SNX8: variants seen among roughly 807,000 people sequenced by gnomAD.
SNX8 encodes the protein sorting nexin-8.
SNX8 carries 25 observed loss-of-function variants against 51.6 expected under a neutral mutation model. The ratio of observed to expected loss-of-function variants is 0.48; its 90% CI spans 0.35 to 0.68. SNX8 has a LOEUF of 0.68. Ranked by LOEUF, SNX8 falls within the 30% of genes least tolerant of loss-of-function variation. The pLI, the probability that SNX8 is intolerant of heterozygous loss-of-function variation, is 0.00. For missense variants in SNX8, 695 were observed against 624.0 expected (o/e 1.11, Z -1.21); for synonymous variants, 324 against 277.0 (o/e 1.17, Z -1.68).
At chr7:2,327,765 A>C (rs919517227) in intron 1 of SNX8, among the ~76,000 whole-genome samples, 62 of 151,898 alleles carry the variant, frequency 4.1e-4, no homozygotes, top group African/African-American at 1.2e-3. Context: ...GATGGTCTCT[A>C]TCTCCTGACC....
chr7:2,272,382 T>C (rs188287789), intron 3 of SNX8, among the ~76,000 whole-genome samples: 2 of 152,142 alleles, frequency 1.3e-5, no homozygotes, highest in Non-Finnish European at 2.9e-5. Context: ...CTTTTCTTTT[T>C]TTTTTTTTTG....
At position 2,254,742 on chromosome 7, in the gene SNX8, G is replaced by C; in HGVS notation, c.*314C>G. 1 of 413,150 alleles carries C rather than the reference G, an allele frequency of 2.4e-6. No individual in the cohort carries two copies. The highest frequency in any genetic ancestry group is 4.4e-6 in the Non-Finnish European group (1 of 224,782). 25.6% of individuals were successfully genotyped at this position (413,150 alleles called of 1,614,324 possible). A position where few individuals can be genotyped will look rare whatever the true frequency, so the allele number is the denominator to read the frequency against. On this transcript the variant is annotated 3_prime_UTR_variant, in exon 11 of 11. Transcript: ENST00000222990. ...GAGGCCCTGCCTCCACGCTCCCCCAGGCACAATCTCTGTGAGATGAGAGAT... is the reference window on the plus strand; with the variant it reads ...GAGGCCCTGCCTCCACGCTCCCCCACGCACAATCTCTGTGAGATGAGAGAT...
Position 2,264,449 on chromosome 7 carries a change from G to T in SNX8, c.631C>A (p.Pro211Thr). ...KLATRAKDFL[P>T]ADIQAQFAIS... ...GCAAACTGAGCCTGGATGTCAGCTGGGAGGAAGTCCTGACATCATGATGGG... is the reference window on the plus strand; with the variant it reads ...GCAAACTGAGCCTGGATGTCAGCTGTGAGGAAGTCCTGACATCATGATGGG... The change falls in exon 6 of 11, where the codon CCA (proline) becomes ACA (threonine). Residue 211 changes from proline (P) to threonine (T), a missense_variant. Transcript: ENST00000222990. 1.9e-6 allele frequency: 3 copies of T among 1,610,742 alleles called. No individual in the cohort carries two copies. The highest frequency in any genetic ancestry group is 2.5e-6 in the Non-Finnish European group (3 of 1,179,806).
chr7:2,292,189 G>A (rs1042914550), intron 1 of SNX8, among the ~76,000 whole-genome samples: 1 of 151,940 alleles, frequency 6.6e-6, no homozygotes, highest in Admixed American at 6.6e-5. Flanking sequence ...CTTGAACCTG[G>A]GAGGCAGAGG....
chr7:2,261,025 A>G (rs974826175), intron 7 of SNX8, among the ~76,000 whole-genome samples: 2 of 152,236 alleles, frequency 1.3e-5, no homozygotes, highest in African/African-American at 4.8e-5. Context: ...CACCCCGCCA[A>G]CAGCCACCTG....
chr7:2,329,775 G>A (rs931322960), intron 1 of SNX8, among the ~76,000 whole-genome samples: 8 of 151,746 alleles, frequency 5.3e-5, no homozygotes, highest in East Asian at 1.9e-4. Flanking sequence ...AAGCTCCACC[G>A]CCCCTGCCCC....
chr7:2,317,570 C>A (rs557105182), upstream of SNX8, among the ~76,000 whole-genome samples: 99 of 151,994 alleles, frequency 6.5e-4, no homozygotes, highest in Middle Eastern at 3.4e-3. Context: ...AGCCACCGTG[C>A]CCGGCCATCC....
intron 4 of SNX8, 135 bp from the exon 5 acceptor site, chr7:2,269,774 A>G (rs993259409): frequency 1.8e-4 from 98 of 537,888 alleles, no homozygotes; most frequent in African/African-American, 1.8e-3. Context: ...CTTTGACATT[A>G]GTATTCTGCA....
intron 5 of SNX8, among the ~76,000 whole-genome samples, chr7:2,266,711 G>C (rs1167176732): frequency 2.0e-5 from 3 of 151,488 alleles, no homozygotes; most frequent in African/African-American, 7.3e-5. Flanking sequence ...ATTAGAGATG[G>C]GGTTTTGCTA....
At chr7:2,292,779 G>T (rs1056005080) in intron 1 of SNX8, among the ~76,000 whole-genome samples, 1 of 152,104 alleles carries the variant, frequency 6.6e-6, no homozygotes, top group Non-Finnish European at 1.5e-5. Flanking sequence ...CAGCAATTTG[G>T]GAGGTTGAGG....
chr7:2,308,217 C>T (rs1438958271), intron 1 of SNX8, among the ~76,000 whole-genome samples: 1 of 151,796 alleles, frequency 6.6e-6, no homozygotes, highest in Non-Finnish European at 1.5e-5. Flanking sequence ...TGCTACATAG[C>T]AGATAGTATT....
intron 1 of SNX8, among the ~76,000 whole-genome samples, chr7:2,321,449 C>A (rs1310159698): frequency 1.4e-5 from 2 of 143,546 alleles, no homozygotes; most frequent in East Asian, 4.0e-4. Flanking sequence ...TTTTTTGAGA[C>A]GGAGTCTCCC....
chr7:2,319,288 G>A (rs934575282), upstream of SNX8, among the ~76,000 whole-genome samples: 1 of 151,968 alleles, frequency 6.6e-6, no homozygotes, highest in African/African-American at 2.4e-5. Context: ...GTTGCAGTGA[G>A]CTGAGATCAC....
chr7:2,288,390 G>T, intron 1 of SNX8: 1 of 161,768 alleles, frequency 6.2e-6, no homozygotes, highest in African/African-American at 2.5e-5. Context: ...TGTCTTTGTA[G>T]AAAATCTTAG....
At chr7:2,313,757 G>A (rs1028955931) in intron 1 of SNX8, among the ~76,000 whole-genome samples, 1 of 152,178 alleles carries the variant, frequency 6.6e-6, no homozygotes, top group African/African-American at 2.4e-5. Context: ...AGCACTTTGG[G>A]AGGCTAAGGC....
At chr7:2,263,560 C>T (rs1795389942) in intron 6 of SNX8, among the ~76,000 whole-genome samples, 198 bp from the exon 7 acceptor site, 1 of 152,196 alleles carries the variant, frequency 6.6e-6, no homozygotes, top group African/African-American at 2.4e-5. Flanking sequence ...CACCTCAGGA[C>T]CTGCTGCGTC....
chr7:2,340,819 T>C (rs1687399381), intron 1 of SNX8, among the ~76,000 whole-genome samples: 2 of 123,650 alleles, frequency 1.6e-5, no homozygotes, highest in African/African-American at 6.2e-5. Context: ...GTTGCGCCAC[T>C]GCACTCCAGC....
intron 2 of SNX8, among the ~76,000 whole-genome samples, chr7:2,276,095 G>T (rs1254555293): frequency 6.6e-6 from 1 of 152,022 alleles, no homozygotes; most frequent in African/African-American, 2.4e-5. Context: ...TGACCAAACT[G>T]CCCCCTTGAC....
chr7:2,320,180 AC>A, intron 1 of SNX8, among the ~76,000 whole-genome samples: 1 of 150,640 alleles, frequency 6.6e-6, no homozygotes, highest in South Asian at 2.1e-4. Context: ...ACATGAAGAA[AC>A]CCCCTCTCTA....
Sources: allele counts gnomAD v4.1 joint callset (sites outside exome capture counted in the v4.1 genomes callset), GRCh38; gene constraint gnomAD v4.1.1; transcripts MANE v1.5; gene names NCBI Gene and HGNC (gene_info 2026-07-23, HGNC 2026-07-21).